DLGAP2: variants seen among roughly 807,000 people sequenced by gnomAD.
DLGAP2 encodes disks large-associated protein 2.
DLGAP2 carries 26 observed loss-of-function variants against 100.3 expected under a neutral mutation model. The ratio of observed to expected loss-of-function variants is 0.26; its 90% CI spans 0.19 to 0.36. DLGAP2 has a LOEUF of 0.36. DLGAP2 is among the 10% of genes least tolerant of loss of function. The pLI is 1.00. For missense variants in DLGAP2, 1,858 were observed against 1,453.2 expected (o/e 1.28, Z -4.53); for synonymous variants, 886 against 630.1 (o/e 1.41, Z -6.08).
chr8:1,330,465 GCAC>G (rs1209520203), intron 3 of DLGAP2, among the ~76,000 whole-genome samples: 1 of 141,482 alleles, frequency 7.1e-6, no homozygotes, highest in African/African-American at 2.6e-5. Context: ...CTGGGTGGGA[GCAC>G]CACTTCACGA....
chr8:1,150,096 GT>G (rs1184694389), intron 2 of DLGAP2, among the ~76,000 whole-genome samples: 2 of 152,092 alleles, frequency 1.3e-5, no homozygotes, highest in South Asian at 4.1e-4. Context: ...TTATTTCCTT[GT>G]TTTTTCTGGG....
intron 2 of DLGAP2, among the ~76,000 whole-genome samples, chr8:1,187,438 CACGGA>C (rs1355277107): frequency 2.3e-4 from 32 of 138,032 alleles, no homozygotes; most frequent in African/African-American, 9.4e-4. Flanking sequence ...ACGTTTGCCT[CACGGA>C]ATCTCACACA....
chr8:849,210 T>TAGG (rs1378678472), intron 1 of DLGAP2, among the ~76,000 whole-genome samples: 5 of 152,086 alleles, frequency 3.3e-5, no homozygotes, highest in African/African-American at 9.7e-5. Context: ...TGTTCCAGTA[T>TAGG]AGGAACACGT....
intron 2 of DLGAP2, among the ~76,000 whole-genome samples, chr8:1,152,001 C>G (rs1163142283): frequency 6.6e-6 from 1 of 152,170 alleles, no homozygotes; most frequent in African/African-American, 2.4e-5. Context: ...TCACCTCAAC[C>G]TCACTAGCAT....
At chr8:1,277,330 C>G (rs574840802) in intron 3 of DLGAP2, among the ~76,000 whole-genome samples, 2 of 152,066 alleles carry the variant, frequency 1.3e-5, no homozygotes, top group African/African-American at 2.4e-5. Flanking sequence ...GTTGCTATTT[C>G]AAATTAATCT....
rs551980948 is a variant in DLGAP2 at position 1,447,817 on chromosome 8, C to G, written c.107-53549C>G. Among the ~76,000 whole-genome samples, 190 of 152,208 alleles carry G rather than the reference C, an allele frequency of 1.2e-3. 1 individual carries two copies. Among genetic ancestry groups the G allele is most frequent in the African/African-American group, 3.8e-3 (158 of 41,542 alleles). On this transcript the variant is annotated intron_variant, in intron 3 of 14. Coordinates refer to ENST00000637795, the MANE Select transcript of DLGAP2 (RefSeq NM_001346810.2). ...ACTTCTTCCTGGTTTAGTCTTGGGACAGTGTATGTGTTGAGGAATTTATCC... is the reference window on the plus strand; with the variant it reads ...ACTTCTTCCTGGTTTAGTCTTGGGAGAGTGTATGTGTTGAGGAATTTATCC...
chr8:1,662,911 CATGTCT>C (rs1798445224), intron 8 of DLGAP2, among the ~76,000 whole-genome samples: 2 of 117,608 alleles, frequency 1.7e-5, no homozygotes, highest in African/African-American at 3.5e-5. Context: ...GTGGGGGATG[CATGTCT>C]GTGTGTACAC....
intron 2 of DLGAP2, among the ~76,000 whole-genome samples, chr8:1,006,481 C>T (rs1315572081): frequency 2.3e-4 from 28 of 124,206 alleles, no homozygotes; most frequent in Admixed American, 5.2e-4. Flanking sequence ...TTTATCACAT[C>T]GGGGACACCG....
At position 1,002,651 on chromosome 8, in the gene DLGAP2, A is replaced by T. The variant is rs138558760; in HGVS notation, c.73+94685A>T. 73 of 152,380 alleles carry T rather than the reference A, an allele frequency of 4.8e-4. 3 individuals are homozygous for T. The East Asian group carries it at 0.014, about 28-fold the overall frequency. 9.4% of individuals were successfully genotyped at this position (152,380 alleles called of 1,614,324 possible). A position where few individuals can be genotyped will look rare whatever the true frequency, so the allele number is the denominator to read the frequency against. On this transcript the variant is annotated intron_variant, in intron 2 of 14. Transcript: ENST00000637795. ...TGTGGGGTGGCTGTGAAATGGGTCCACTTTGTAGTGGCAGCATCCCTGATA... is the reference window on the plus strand; with the variant it reads ...TGTGGGGTGGCTGTGAAATGGGTCCTCTTTGTAGTGGCAGCATCCCTGATA...
intron 8 of DLGAP2, among the ~76,000 whole-genome samples, chr8:1,653,871 G>A (rs1798223181): frequency 6.6e-6 from 1 of 152,172 alleles, no homozygotes. Context: ...ATTTGACTCT[G>A]AGGTGTAAGT....
chr8:1,064,384 C>G (rs185165982), intron 2 of DLGAP2, among the ~76,000 whole-genome samples: 1 of 152,178 alleles, frequency 6.6e-6, no homozygotes, highest in East Asian at 1.9e-4. Flanking sequence ...TTTCATACAA[C>G]CAAACCAGGG....
intron 8 of DLGAP2, among the ~76,000 whole-genome samples, chr8:1,634,983 C>T (rs948962092): frequency 2.0e-5 from 3 of 152,102 alleles, no homozygotes; most frequent in Admixed American, 6.5e-5. Flanking sequence ...AGAATTTCCT[C>T]TAGGTGATGC....
At chr8:1,146,744 C>T (rs1343750960) in intron 2 of DLGAP2, among the ~76,000 whole-genome samples, 1 of 152,158 alleles carries the variant, frequency 6.6e-6, no homozygotes, top group Non-Finnish European at 1.5e-5. Context: ...CCAGTTGGCC[C>T]AGTACCAGCT....
chr8:1,625,756 A>C (rs1797474656), intron 6 of DLGAP2, among the ~76,000 whole-genome samples: 1 of 152,232 alleles, frequency 6.6e-6, no homozygotes, highest in Non-Finnish European at 1.5e-5. Context: ...GAATGACCCA[A>C]ATTTCACTAC....
intron 2 of DLGAP2, among the ~76,000 whole-genome samples, chr8:1,058,551 GGA>G (rs1381225148): frequency 1.3e-5 from 2 of 152,202 alleles, no homozygotes; most frequent in Non-Finnish European, 2.9e-5. Flanking sequence ...TCAGCAATGG[GGA>G]GCACTGTGTT....
At chr8:1,681,813 C>T (rs1380663596) in intron 12 of DLGAP2, among the ~76,000 whole-genome samples, 1 of 152,182 alleles carries the variant, frequency 6.6e-6, no homozygotes, top group African/African-American at 2.4e-5. Context: ...AGATTAAGAT[C>T]TTGCCCCAAA....
At chr8:849,755 ATGTC>A (rs1797145659) in intron 1 of DLGAP2, among the ~76,000 whole-genome samples, 1 of 152,124 alleles carries the variant, frequency 6.6e-6, no homozygotes, top group Admixed American at 6.5e-5. Flanking sequence ...CTTCCATGAA[ATGTC>A]TGTTCAAATC....
At chr8:1,630,679 G>A (rs1797619387) in intron 7 of DLGAP2, among the ~76,000 whole-genome samples, 3 of 151,806 alleles carry the variant, frequency 2.0e-5, no homozygotes, top group South Asian at 4.2e-4. Flanking sequence ...TCCAGCCTGG[G>A]CGACAGAGCG....
At chr8:1,173,707 G>C (rs547720550) in intron 2 of DLGAP2, among the ~76,000 whole-genome samples, 1 of 152,200 alleles carries the variant, frequency 6.6e-6, no homozygotes, top group African/African-American at 2.4e-5. Context: ...TAATCTCCTG[G>C]TGCGCCATTT....
Sources: allele counts gnomAD v4.1 joint callset (sites outside exome capture counted in the v4.1 genomes callset), GRCh38; gene constraint gnomAD v4.1.1; transcripts MANE v1.5; gene names NCBI Gene and HGNC (gene_info 2026-07-23, HGNC 2026-07-21).